Variants in MTURN observed in about 807,000 individuals in gnomAD.
MTURN encodes the protein maturin.
MTURN carries 7 observed loss-of-function variants against 14.9 expected under a neutral mutation model. The observed-to-expected ratio is 0.47, with a 90% CI of 0.27 to 0.88. The LOEUF (loss-of-function observed/expected upper bound fraction) is 0.88. Ranked by LOEUF, MTURN falls within the 40% of genes least tolerant of loss-of-function variation. The pLI, the probability that MTURN is intolerant of heterozygous loss-of-function variation, is 0.14. For missense variants in MTURN, 151 were observed against 174.1 expected (o/e 0.87, Z 0.75); for synonymous variants, 69 against 72.5 (o/e 0.95, Z 0.25).
intron 1 of MTURN, among the ~76,000 whole-genome samples, chr7:30,143,739 G>A (rs1239951109): frequency 6.6e-6 from 1 of 152,190 alleles, no homozygotes; most frequent in Non-Finnish European, 1.5e-5. Flanking sequence ...GCTCTAAAAG[G>A]AGAGTAATGG....
At position 30,140,391 on chromosome 7, in the gene MTURN, A is replaced by AGG. The variant is rs1390388625; in HGVS notation, c.162+5096_162+5097dup. Among the ~76,000 whole-genome samples the AGG allele has an allele frequency of 2.9e-3, 142 of 48,916 alleles. No homozygotes were observed. In the East Asian group the frequency reaches 0.035, roughly 12 times the overall value. The allele number at this position is 48,916 out of a possible 152,430, so 32.1% of individuals were successfully genotyped here. ...GATTTAATTTTACATGTGTTTGTAG[A>AGG]GGGGTGTGTGTGTGTGTGTGTGTGT... On this transcript the variant is annotated intron_variant, in intron 1 of 2. Coordinates refer to ENST00000324453, the MANE Select transcript of MTURN (RefSeq NM_152793.3).
intron 2 of MTURN, among the ~76,000 whole-genome samples, chr7:30,154,033 C>T (rs1042484048): frequency 2.6e-5 from 4 of 152,066 alleles, no homozygotes; most frequent in African/African-American, 9.7e-5. Flanking sequence ...CCCCTTTAAC[C>T]TCAGTAGGGA....
chr7:30,151,385 A>AT (rs1317999431), intron 2 of MTURN, among the ~76,000 whole-genome samples: 9 of 152,212 alleles, frequency 5.9e-5, no homozygotes, highest in Non-Finnish European at 1.0e-4. Context: ...GTTGCTGGTC[A>AT]TACACGATTG....
chr7:30,145,194 A>G (rs1419349270), intron 1 of MTURN, among the ~76,000 whole-genome samples: 1 of 152,112 alleles, frequency 6.6e-6, no homozygotes, highest in African/African-American at 2.4e-5. Flanking sequence ...ACATGGAAAA[A>G]AGCCTTACCC....
chr7:30,150,795 G>A (rs1037967894), intron 2 of MTURN, among the ~76,000 whole-genome samples: 10 of 152,194 alleles, frequency 6.6e-5, no homozygotes, highest in African/African-American at 1.7e-4. Context: ...CCTCAGCTCC[G>A]TTTCCTTAGA....
At chr7:30,146,973 T>C (rs59058929) in intron 2 of MTURN, among the ~76,000 whole-genome samples, 18,241 of 152,256 alleles carry the variant, frequency 0.12, 1,186 homozygotes, top group African/African-American at 0.15. Flanking sequence ...AGTGTCTCAG[T>C]GTTTCCCCTA....
intron 2 of MTURN, among the ~76,000 whole-genome samples, chr7:30,153,496 G>A (rs1797241562): frequency 6.6e-6 from 1 of 152,158 alleles, no homozygotes; most frequent in Non-Finnish European, 1.5e-5. Context: ...CTGGTGGGTA[G>A]GGGTGTGAAG....
intron 2 of MTURN, among the ~76,000 whole-genome samples, chr7:30,153,112 G>A (rs527732250): frequency 6.2e-4 from 94 of 152,164 alleles, no homozygotes; most frequent in African/African-American, 2.2e-3. Flanking sequence ...CCACCTTTTT[G>A]GTATGAGAAT....
rs1029012176 is a variant in MTURN at position 30,158,204 on chromosome 7, G to C, written c.*656G>C. 1 of 152,256 alleles carries C rather than the reference G, an allele frequency of 6.6e-6. No homozygotes were observed. The highest frequency in any genetic ancestry group is 1.5e-5 in the Non-Finnish European group (1 of 68,040). 9.4% of individuals were successfully genotyped at this position (152,256 alleles called of 1,614,324 possible). A position where few individuals can be genotyped will look rare whatever the true frequency, so the allele number is the denominator to read the frequency against. On this transcript the variant is annotated 3_prime_UTR_variant, in exon 3 of 3. Coordinates refer to ENST00000324453, the MANE Select transcript of MTURN (RefSeq NM_152793.3). The stretch of plus-strand genomic sequence containing the variant: ...AGGTGTAAATGTTACTTGCTTGTTC[G>C]ACTGTTTCAAAACATGCTAATTCCA...
chr7:30,135,050 C>G lies in MTURN; in HGVS notation c.-87C>G. On this transcript the variant is annotated 5_prime_UTR_variant, in exon 1 of 3. Coordinates refer to ENST00000324453, the MANE Select transcript of MTURN (RefSeq NM_152793.3). ...CGGCCCCGGAGGAGCCCGCGCAGGC[C>G]GAGCCGAGCGCCGCGCTGCCCGCCC... 2.7e-6 allele frequency: 3 copies of G among 1,126,994 alleles called. No homozygotes were observed. The highest frequency in any genetic ancestry group is 3.5e-4 in the Middle Eastern group (1 of 2,840). The allele number at this position is 1,126,994 out of a possible 1,614,324, so 69.8% of individuals were successfully genotyped here.
At chr7:30,143,496 A>G (rs929611595) in intron 1 of MTURN, among the ~76,000 whole-genome samples, 1 of 151,944 alleles carries the variant, frequency 6.6e-6, no homozygotes, top group Non-Finnish European at 1.5e-5. Flanking sequence ...GATACAATGG[A>G]TATGAGACAA....
At chr7:30,145,152 A>C (rs1374119965) in intron 1 of MTURN, among the ~76,000 whole-genome samples, 1 of 152,104 alleles carries the variant, frequency 6.6e-6, no homozygotes, top group Non-Finnish European at 1.5e-5. Flanking sequence ...AGGCTTGCCT[A>C]GTCTTAAAGA....
rs1219811212 is a variant in MTURN at position 30,135,041 on chromosome 7, C to G, written c.-96C>G. On this transcript the variant is annotated 5_prime_UTR_variant, in exon 1 of 3. Coordinates refer to ENST00000324453, the MANE Select transcript of MTURN (RefSeq NM_152793.3). ...GGCCCAGCCCGGCCCCGGAGGAGCC[C>G]GCGCAGGCCGAGCCGAGCGCCGCGC... is the stretch of plus-strand genomic sequence containing the variant. 3 of 1,068,906 alleles carry G rather than the reference C, an allele frequency of 2.8e-6. No homozygotes were observed. The highest frequency in any genetic ancestry group is 3.4e-5 in the African/African-American group (2 of 58,382). The allele number at this position is 1,068,906 out of a possible 1,614,324, so 66.2% of individuals were successfully genotyped here.
At chr7:30,155,957 T>C (rs569911950) in intron 2 of MTURN, among the ~76,000 whole-genome samples, 1 of 152,298 alleles carries the variant, frequency 6.6e-6, no homozygotes, top group Admixed American at 6.5e-5. Flanking sequence ...GCAGTTAGTG[T>C]TTAGATCATT....
intron 1 of MTURN, among the ~76,000 whole-genome samples, chr7:30,144,951 T>G (rs1797107120): frequency 6.7e-6 from 1 of 149,198 alleles, no homozygotes; most frequent in Non-Finnish European, 1.5e-5. Context: ...TTTTTTTTTT[T>G]TGCCAGTGTT....
chr7:30,157,300 T>G, intron 2 of MTURN, 138 bp from the exon 3 acceptor site: 1 of 553,658 alleles, frequency 1.8e-6, no homozygotes, highest in Non-Finnish European at 3.1e-6. Context: ...ATGAAAATCA[T>G]TGTAGGGGTG....
intron 1 of MTURN, among the ~76,000 whole-genome samples, chr7:30,141,770 G>A (rs559336399): frequency 8.1e-4 from 123 of 152,196 alleles, no homozygotes; most frequent in Non-Finnish European, 1.4e-3. Context: ...CAGCTCTTCC[G>A]CCTTGGCCTC....
Position 30,135,065 on chromosome 7 carries a change from G to A in MTURN, c.-72G>A. Reference sequence around the variant, plus strand: ...CCGCGCAGGCCGAGCCGAGCGCCGCGCTGCCCGCCCGGGAGGAGGGCGCCT... The same window carrying A: ...CCGCGCAGGCCGAGCCGAGCGCCGCACTGCCCGCCCGGGAGGAGGGCGCCT... On this transcript the variant is annotated 5_prime_UTR_variant, in exon 1 of 3. Coordinates refer to ENST00000324453, the MANE Select transcript of MTURN (RefSeq NM_152793.3). 8.3e-7 allele frequency: 1 copy of A among 1,208,106 alleles called. No homozygotes were observed. Among genetic ancestry groups the A allele is most frequent in the Non-Finnish European group, 1.0e-6 (1 of 962,848 alleles). The allele number at this position is 1,208,106 out of a possible 1,614,324, so 74.8% of individuals were successfully genotyped here. A position where few individuals can be genotyped will look rare whatever the true frequency, so the allele number is the denominator to read the frequency against.
chr7:30,144,618 T>C (rs1240093344), intron 1 of MTURN, among the ~76,000 whole-genome samples: 2 of 152,214 alleles, frequency 1.3e-5, no homozygotes, highest in Non-Finnish European at 2.9e-5. Context: ...TCTGCTGGCA[T>C]GAGAGCAACG....
Sources: allele counts gnomAD v4.1 joint callset (sites outside exome capture counted in the v4.1 genomes callset), GRCh38; gene constraint gnomAD v4.1.1; transcripts MANE v1.5; gene names NCBI Gene and HGNC (gene_info 2026-07-23, HGNC 2026-07-21).